DTD2: variants seen among roughly 807,000 people sequenced by gnomAD.
DTD2 encodes D-tyrosyl-tRNA deacylase 2 (putative).
A neutral mutation model predicts 15.5 loss-of-function variants in DTD2; 12 were observed. The observed-to-expected ratio is 0.77, with a 90% confidence interval of 0.50 to 1.25. The LOEUF (loss-of-function observed/expected upper bound fraction) is 1.25, where lower values mean the gene tolerates loss of function less well. Among genes scored for constraint, DTD2 ranks in the 50% most tolerant of loss-of-function variants. The pLI is 0.00. For missense variants in DTD2, 170 were observed against 201.1 expected (o/e 0.85, Z 0.93); for synonymous variants, 59 against 77.3 (o/e 0.76, Z 1.24).
At chr14:31,456,512 A>T (rs925747864) in intron 1 of DTD2, among the ~76,000 whole-genome samples, 40 of 152,154 alleles carry the variant, frequency 2.6e-4, no homozygotes, top group Non-Finnish European at 1.5e-5. Context: ...AGCGAATGAG[A>T]TTTTGCTACA....
intron 1 of DTD2, among the ~76,000 whole-genome samples, chr14:31,454,634 C>T (rs1260037226): frequency 6.6e-6 from 1 of 152,172 alleles, no homozygotes; most frequent in East Asian, 1.9e-4. Context: ...AAATAAATAC[C>T]TAATCATTTG....
intron 1 of DTD2, 151 bp from the exon 2 acceptor site, chr14:31,453,495 A>G: frequency 3.3e-6 from 2 of 612,332 alleles, no homozygotes; most frequent in South Asian, 6.8e-5. Context: ...CATGTGAGAA[A>G]ACAAAATATT....
intron 2 of DTD2, 145 bp downstream of exon 2, chr14:31,453,130 G>A: frequency 1.5e-6 from 1 of 671,424 alleles, no homozygotes. Context: ...GTAGAGAAGA[G>A]GTCTTACTAT....
intron 2 of DTD2, chr14:31,452,938 CTTTTTT>C: frequency 1.4e-5 from 2 of 142,290 alleles, no homozygotes; most frequent in South Asian, 2.2e-4. Flanking sequence ...TTCTCACTCT[CTTTTTT>C]TTTTTTTTTT....
chr14:31,456,718 T>G (rs1463148657), intron 1 of DTD2, among the ~76,000 whole-genome samples: 1 of 152,204 alleles, frequency 6.6e-6, no homozygotes, highest in African/African-American at 2.4e-5. Flanking sequence ...TGTTTTAAAT[T>G]CTTTGGAGAA....
rs950028872 is a variant in DTD2 at position 31,447,655 on chromosome 14, C to T, written c.*474G>A. The T allele has an allele frequency of 6.5e-6, 1 of 153,366 alleles. No homozygotes were observed. The highest frequency in any genetic ancestry group is 6.5e-5 in the Admixed American group (1 of 15,338). The allele number at this position is 153,366 out of a possible 1,614,324, so 9.5% of individuals were successfully genotyped here. ...CCAGCACGGTGAAACCCCATCTCTACTAAAAATACAAAAAAATTAGCTGGG... is the reference window on the plus strand; with the variant it reads ...CCAGCACGGTGAAACCCCATCTCTATTAAAAATACAAAAAAATTAGCTGGG... On this transcript the variant is annotated 3_prime_UTR_variant, in exon 3 of 3. Coordinates refer to ENST00000310850, the MANE Select transcript of DTD2 (RefSeq NM_080664.3).
chr14:31,448,395 A>G lies in DTD2; in HGVS notation c.241T>C (p.Leu81=), dbSNP rs2031988661. The G allele has an allele frequency of 6.2e-7, 1 of 1,613,970 alleles. No homozygotes were observed. Among genetic ancestry groups the G allele is most frequent in the South Asian group, 1.1e-5 (1 of 91,048 alleles). The change falls in exon 3 of 3, where the codon TTG becomes CTG. Residue 81 remains leucine (L), a synonymous_variant. Coordinates refer to ENST00000310850, the MANE Select transcript of DTD2 (RefSeq NM_080664.3). ...ATAAGAATGTTGCCAGGTAGATCCA[A>G]TATAGAGACATGCTTGCCATTTTCT... ...ETENGKHVSI[L]DLPGNILIIP... is the part of the protein sequence containing the mutation.
intron 1 of DTD2, chr14:31,457,036 C>T (rs1480779544): frequency 2.0e-5 from 11 of 540,500 alleles, no homozygotes; most frequent in East Asian, 3.3e-5. Context: ...TACCTGTGGT[C>T]CCCCCAAGAA....
In DTD2 at chr14:31,446,183, TA is replaced by T. The variant is rs1489208173; in HGVS notation, c.*1945del. The T allele has an allele frequency of 1.3e-5, 2 of 152,042 alleles. No homozygotes were observed. Among genetic ancestry groups the T allele is most frequent in the African/African-American group, 2.4e-5 (1 of 41,384 alleles). 9.4% of individuals were successfully genotyped at this position (152,042 alleles called of 1,614,324 possible). On this transcript the variant is annotated 3_prime_UTR_variant, in exon 3 of 3. Transcript: ENST00000310850. ...CAGTACAGGAAGGGTATAGAGAAAA[TA>T]GGATTTTTCATGATAAAAATTTTAA...
At position 31,448,192 on chromosome 14, in the gene DTD2, A is replaced by C; in HGVS notation, c.444T>G (p.Tyr148Ter). 6.2e-7 allele frequency: 1 copy of C among 1,614,174 alleles called. No homozygotes were observed. Among genetic ancestry groups the C allele is most frequent in the Non-Finnish European group, 8.5e-7 (1 of 1,180,030 alleles). ...EARVVVEHGTYGNRQVLKLDT... is the reference protein window; with the variant it reads ...EARVVVEHGT ...CCAGCTTTAACACCTGCCTGTTCCCATAAGTGCCATGTTCCACTACAACCC... is the reference window on the plus strand; with the variant it reads ...CCAGCTTTAACACCTGCCTGTTCCCCTAAGTGCCATGTTCCACTACAACCC... Residue 148 changes from tyrosine (Y) to a stop codon, truncating the protein, a stop_gained, in exon 3 of 3, where the codon TAT becomes TAG. Coordinates refer to ENST00000310850, the MANE Select transcript of DTD2 (RefSeq NM_080664.3). LOFTEE classifies it high-confidence loss of function.
intron 2 of DTD2, among the ~76,000 whole-genome samples, chr14:31,448,661 G>A (rs1364629979): frequency 6.6e-6 from 1 of 152,100 alleles, no homozygotes. Flanking sequence ...TGCAGAAAAT[G>A]GCATGATATT....
chr14:31,455,378 C>T (rs1217965320), intron 1 of DTD2, among the ~76,000 whole-genome samples: 1 of 151,398 alleles, frequency 6.6e-6, no homozygotes, highest in African/African-American at 2.4e-5. Context: ...GGTGAAACTC[C>T]GTCTCTAGTA....
In DTD2 at chr14:31,447,060, A is replaced by G. The variant is rs937310124; in HGVS notation, c.*1069T>C. ...CTTATACTTTGTTCTTATATCAAGTAAAGATTCTTAAAGTAATGTAAAACA... is the reference window on the plus strand; with the variant it reads ...CTTATACTTTGTTCTTATATCAAGTGAAGATTCTTAAAGTAATGTAAAACA... On this transcript the variant is annotated 3_prime_UTR_variant, in exon 3 of 3. Coordinates refer to ENST00000310850, the MANE Select transcript of DTD2 (RefSeq NM_080664.3). The G allele has an allele frequency of 6.6e-6, 1 of 152,204 alleles. No homozygotes were observed. The highest frequency in any genetic ancestry group is 2.4e-5 in the African/African-American group (1 of 41,446). 9.4% of individuals were successfully genotyped at this position (152,204 alleles called of 1,614,324 possible). A position where few individuals can be genotyped will look rare whatever the true frequency, so the allele number is the denominator to read the frequency against.
At chr14:31,451,247 A>G (rs1011180228) in intron 2 of DTD2, among the ~76,000 whole-genome samples, 19 of 149,004 alleles carry the variant, frequency 1.3e-4, no homozygotes, top group Admixed American at 8.2e-4. Flanking sequence ...TCCTGGGCTC[A>G]TGCCATTCTC....
At chr14:31,451,147 CTTT>C (rs1057016355) in intron 2 of DTD2, among the ~76,000 whole-genome samples, 6 of 129,934 alleles carry the variant, frequency 4.6e-5, no homozygotes, top group African/African-American at 2.9e-5. Context: ...ACATTATGTT[CTTT>C]TTTTTTTTTT....
intron 2 of DTD2, among the ~76,000 whole-genome samples, chr14:31,451,922 T>G (rs975356178): frequency 1.3e-5 from 2 of 152,204 alleles, no homozygotes; most frequent in African/African-American, 4.8e-5. Flanking sequence ...GAGGGTATGA[T>G]TTGATTTGGT....
Position 31,448,030 on chromosome 14 carries a change from G to C in DTD2, c.*99C>G. ...ACCCAAGATTTTCCTGTCTAAAAAT[G>C]CTGAAGATTAGTATATTCAAGATTA... On this transcript the variant is annotated 3_prime_UTR_variant, in exon 3 of 3. Transcript: ENST00000310850. 9.4e-7 allele frequency: 1 copy of C among 1,062,266 alleles called. No individual in the cohort carries two copies. The highest frequency in any genetic ancestry group is 1.4e-6 in the Non-Finnish European group (1 of 731,650). 65.8% of individuals were successfully genotyped at this position (1,062,266 alleles called of 1,614,324 possible). A position where few individuals can be genotyped will look rare whatever the true frequency, so the allele number is the denominator to read the frequency against.
chr14:31,453,226 C>T, intron 2 of DTD2, 49 bp downstream of exon 2: 2 of 1,574,248 alleles, frequency 1.3e-6, no homozygotes, highest in Non-Finnish European at 1.7e-6. Flanking sequence ...GGTGTGAGCA[C>T]CATGCTTGGC....
chr14:31,452,124 C>T (rs1268219561), intron 2 of DTD2: 2 of 152,156 alleles, frequency 1.3e-5, no homozygotes, highest in Non-Finnish European at 2.9e-5. Flanking sequence ...TGTGATGACA[C>T]TGAATTCAGC....
Sources: allele counts gnomAD v4.1 joint callset (sites outside exome capture counted in the v4.1 genomes callset), GRCh38; gene constraint gnomAD v4.1.1; transcripts MANE v1.5; gene names NCBI Gene and HGNC (gene_info 2026-07-23, HGNC 2026-07-21).